The following RYR1 variants were observed in gnomAD, a reference collection of about 807,000 sequenced individuals.
RYR1 encodes the protein central core disease of muscle.
A neutral mutation model predicts 583.5 loss-of-function variants in RYR1; 342 were observed. The ratio of observed to expected loss-of-function variants is 0.59; its 90% CI spans 0.54 to 0.64. The LOEUF (loss-of-function observed/expected upper bound fraction) is 0.64, where lower values mean the gene tolerates loss of function less well. Among genes scored for constraint, RYR1 ranks in the 30% least tolerant of loss-of-function variants. RYR1 has a pLI of 0.00. For missense variants in RYR1, 6,032 were observed against 6,917.2 expected (o/e 0.87, Z 4.54); for synonymous variants, 2,791 against 2,822.5 (o/e 0.99, Z 0.35).
intron 67 of RYR1, among the ~76,000 whole-genome samples, chr19:38,520,275 A>G (rs1971167789): frequency 1.3e-5 from 2 of 150,720 alleles, no homozygotes; most frequent in Admixed American, 6.6e-5. Flanking sequence ...TATGTTGCCC[A>G]GGTTGGTCTT....
chr19:38,476,827 A>G (rs1600741032), intron 29 of RYR1, among the ~76,000 whole-genome samples: 2 of 152,086 alleles, frequency 1.3e-5, no homozygotes, highest in South Asian at 2.1e-4. Context: ...AATGGGGGTA[A>G]AAATTATACC....
chr19:38,516,461 G>C (rs1037060603), intron 65 of RYR1, among the ~76,000 whole-genome samples: 2 of 152,110 alleles, frequency 1.3e-5, no homozygotes, highest in Admixed American at 6.5e-5. Flanking sequence ...ATTGATAAAA[G>C]TTAAGAAAAG....
At chr19:38,484,795 C>T (rs889998616) in intron 33 of RYR1, among the ~76,000 whole-genome samples, 6 of 151,982 alleles carry the variant, frequency 3.9e-5, no homozygotes, top group Non-Finnish European at 7.4e-5. Flanking sequence ...CAGTGAGAAC[C>T]CGTCTCCACA....
At position 38,502,624 on chromosome 19, in the gene RYR1, A is replaced by T. The variant is rs986827877; in HGVS notation, c.7732A>T (p.Met2578Leu). 6.2e-7 allele frequency: 1 copy of T among 1,612,574 alleles called. No individual in the cohort carries two copies. Among genetic ancestry groups the T allele is most frequent in the African/African-American group, 1.3e-5 (1 of 74,634 alleles). ...TGCGGGCACAGAACACCGCGCCATC[A>T]TGGTGGACTCTATGCTGCATACCGT... ...LFAGTEHRAI[M>L]VDSMLHTVYR... Residue 2578 changes from methionine (M) to leucine (L), a missense_variant, in exon 48 of 106, where the codon ATG becomes TTG. This residue lies in a region of RYR1 where 250 missense variants were observed against 162.3 expected (regional missense o/e 1.54). Coordinates refer to ENST00000359596, the MANE Select transcript of RYR1 (RefSeq NM_000540.3).
chr19:38,547,808 G>T (rs1308511711), intron 88 of RYR1, among the ~76,000 whole-genome samples: 1 of 151,258 alleles, frequency 6.6e-6, no homozygotes, highest in East Asian at 2.0e-4. Flanking sequence ...CCGCCTCCCA[G>T]GTTCAAGCAA....
intron 42 of RYR1, 150 bp downstream of exon 42, chr19:38,497,104 A>G: frequency 1.4e-6 from 1 of 705,060 alleles, no homozygotes; most frequent in South Asian, 1.5e-5. Flanking sequence ...TTGCAGGGAG[A>G]GAACGGCACC....
chr19:38,489,172 T>C lies in RYR1; in HGVS notation c.5548-5T>C, dbSNP rs371982049. ...ACAGTGAAGAACCGAGACTTTGTCCTGTAGGTGATGGGCATCTTTGGCGAT... is the reference window on the plus strand; with the variant it reads ...ACAGTGAAGAACCGAGACTTTGTCCCGTAGGTGATGGGCATCTTTGGCGAT... On this transcript the variant is annotated splice_polypyrimidine_tract_variant and splice_region_variant and intron_variant, in intron 34 of 105. Coordinates refer to ENST00000359596, the MANE Select transcript of RYR1 (RefSeq NM_000540.3). 3.7e-6 allele frequency: 6 copies of C among 1,613,982 alleles called. No homozygotes were observed. The highest frequency in any genetic ancestry group is 1.7e-5 in the Admixed American group (1 of 59,998).
chr19:38,572,114 G>T lies in RYR1; in HGVS notation c.13842G>T (p.Leu4614Phe), dbSNP rs775940719. ...AGSGGSSGWG[L>F]GAGEEAEGDE... ...CTGGTGGCAGCTCTGGCTGGGGCTT[G>T]GGGGCCGGAGAGGAGGCAGAGGGCG... is the stretch of plus-strand genomic sequence containing the variant. The change falls in exon 95 of 106, where the codon TTG becomes TTT. Residue 4614 changes from leucine to phenylalanine, a missense_variant. Leu to Phe is a conservative substitution (Grantham distance 22, BLOSUM62 0). Coordinates refer to ENST00000359596, the MANE Select transcript of RYR1 (RefSeq NM_000540.3). 8.7e-6 allele frequency: 14 copies of T among 1,614,024 alleles called. No homozygotes were observed. Among genetic ancestry groups the T allele is most frequent in the Non-Finnish European group, 1.2e-5 (14 of 1,180,042 alleles).
At chr19:38,486,640 C>A (rs1441893940) in intron 34 of RYR1, among the ~76,000 whole-genome samples, 1 of 152,138 alleles carries the variant, frequency 6.6e-6, no homozygotes, top group Non-Finnish European at 1.5e-5. Context: ...CGCGTCCGGC[C>A]TCCATCCACC....
At chr19:38,453,399 C>T (rs1431220783) in intron 13 of RYR1, among the ~76,000 whole-genome samples, 2 of 151,164 alleles carry the variant, frequency 1.3e-5, no homozygotes, top group South Asian at 2.1e-4. Context: ...GGTAGGGCTG[C>T]CGACTCAGCG....
chr19:38,537,981 G>C (rs1972047239), intron 84 of RYR1, 21 bp downstream of exon 84: 1 of 1,581,430 alleles, frequency 6.3e-7, no homozygotes, highest in East Asian at 2.2e-5. Flanking sequence ...GGGGTGTGGG[G>C]TGGAGGGGAA....
chr19:38,486,116 G>T lies in RYR1; in HGVS notation c.5461G>T (p.Asp1821Tyr), dbSNP rs139709595. ...ALRMLGEAVR[D>Y]GGQHARDPVG... ...GAGGATGCTGGGGGAGGCGGTGCGC[G>T]ACGGTGGGCAGCACGCTCGCGACCC... Residue 1821 changes from aspartate to tyrosine, a missense_variant, in exon 34 of 106, where the codon GAC becomes TAC. Asp to Tyr is a radical substitution (Grantham distance 160). Around this residue, in one of 11 missense-constraint regions of RYR1, gnomAD observed 2,627 missense variants for 2,961.3 expected, o/e 0.89. Coordinates refer to ENST00000359596, the MANE Select transcript of RYR1 (RefSeq NM_000540.3). 6.2e-7 allele frequency: 1 copy of T among 1,612,974 alleles called. No homozygotes were observed. Among genetic ancestry groups the T allele is most frequent in the African/African-American group, 1.3e-5 (1 of 74,910 alleles).
chr19:38,442,271 G>T (rs939360372), intron 2 of RYR1, 78 bp from the exon 3 acceptor site: 2 of 1,004,276 alleles, frequency 2.0e-6, no homozygotes, highest in South Asian at 1.3e-5. Context: ...TCCAGACTAG[G>T]GGAGGGAGTG....
chr19:38,477,894 GAGGT>G, intron 30 of RYR1, 24 bp downstream of exon 30: 5 of 1,083,008 alleles, frequency 4.6e-6, no homozygotes, highest in East Asian at 3.0e-5. Flanking sequence ...GGGGAGGTGG[GAGGT>G]GCAGGGTGGG....
rs755486056 is a variant in RYR1 at position 38,502,707 on chromosome 19, C to T, written c.7815C>T (p.Asp2605=). 1.3e-6 allele frequency: 2 copies of T among 1,552,286 alleles called. No homozygotes were observed. Among genetic ancestry groups the T allele is most frequent in the South Asian group, 1.1e-5 (1 of 90,322 alleles). ...AGGCGCAGCGTGACGTCATCGAGGA[C>T]TGCCTCATGTCGCTCTGCAGGTGGA... is the stretch of plus-strand genomic sequence containing the variant. ...LTKAQRDVIE[D]CLMSLCRYIR... Residue 2605 remains aspartate, a synonymous_variant, in exon 48 of 106, where the codon GAC becomes GAT. Coordinates refer to ENST00000359596, the MANE Select transcript of RYR1 (RefSeq NM_000540.3).
chr19:38,518,334 T>C (rs1221085654), intron 66 of RYR1, among the ~76,000 whole-genome samples: 1 of 142,084 alleles, frequency 7.0e-6, no homozygotes, highest in Non-Finnish European at 1.5e-5. Flanking sequence ...CCAAGGTGGG[T>C]GGATCACTTG....
chr19:38,573,540 C>T (rs1369144728), intron 96 of RYR1, among the ~76,000 whole-genome samples: 6 of 151,812 alleles, frequency 4.0e-5, no homozygotes, highest in South Asian at 2.1e-4. Flanking sequence ...ATTAGCTGGG[C>T]GTGGTGGCGG....
Position 38,527,071 on chromosome 19 carries a change from C to T in RYR1, c.10686+19C>T. 3.1e-6 allele frequency: 5 copies of T among 1,613,230 alleles called. No homozygotes were observed. Among genetic ancestry groups the T allele is most frequent in the Non-Finnish European group, 4.2e-6 (5 of 1,179,348 alleles). ...GGGAAAGGTATGCCTCCTTCCTCTG[C>T]AAGCAAAAGAAGCAAGTCAGAAAGT... On this transcript the variant is annotated intron_variant, in intron 72 of 105. Coordinates refer to ENST00000359596, the MANE Select transcript of RYR1 (RefSeq NM_000540.3).
At position 38,573,689 on chromosome 19, in the gene RYR1, C is replaced by G. The variant is rs1056446226; in HGVS notation, c.14129+382C>G. On this transcript the variant is annotated intron_variant, in intron 96 of 105. Transcript: ENST00000359596. ...GAGTGAAATTCCACCCCCTTCCCCC[C>G]AGACAAAAAAAAAAAAACCTAGGGT... 2.4e-4 allele frequency among the ~76,000 whole-genome samples: 36 copies of G among 148,440 alleles called. 1 individual carries two copies. The highest frequency in any genetic ancestry group is 7.9e-4 in the East Asian group (4 of 5,038).
Sources: allele counts gnomAD v4.1 joint callset (sites outside exome capture counted in the v4.1 genomes callset), GRCh38; gene constraint gnomAD v4.1.1; regional missense constraint gnomAD v4.1.1; transcripts MANE v1.5; gene names NCBI Gene and HGNC (gene_info 2026-07-23, HGNC 2026-07-21).